Variants in TDRD5 observed in about 807,000 individuals in gnomAD.
The protein encoded by TDRD5 is tudor domain containing 5.
In TDRD5, 41 loss-of-function variants were observed where a neutral mutation model predicts 120.6. That is an observed-to-expected ratio of 0.34 (90% CI 0.26 to 0.44). The LOEUF (loss-of-function observed/expected upper bound fraction) is 0.44. TDRD5 is among the 20% of genes least tolerant of loss of function. The probability of loss-of-function intolerance (pLI) is 1.00; values close to 1 mark genes in which losing one functional copy is unlikely to be tolerated. For missense variants in TDRD5, 1,006 were observed against 1,221.2 expected (o/e 0.82, Z 2.63); for synonymous variants, 430 against 433.7 (o/e 0.99, Z 0.11).
At chr1:179,657,449 C>T (rs1212445635) in intron 14 of TDRD5, among the ~76,000 whole-genome samples, 1 of 152,082 alleles carries the variant, frequency 6.6e-6, no homozygotes, top group African/African-American at 2.4e-5. Flanking sequence ...AACTACCTAA[C>T]TTCACTTATC....
chr1:179,660,250 T>C (rs1177020716), intron 14 of TDRD5, among the ~76,000 whole-genome samples: 1 of 130,976 alleles, frequency 7.6e-6, no homozygotes. Flanking sequence ...GACAGAGTCT[T>C]GCTCTGTTGC....
At chr1:179,622,966 A>G (rs1483519377) in intron 6 of TDRD5, among the ~76,000 whole-genome samples, 1 of 152,206 alleles carries the variant, frequency 6.6e-6, no homozygotes, top group Non-Finnish European at 1.5e-5. Context: ...GCAGAAAACC[A>G]AATATAAGTA....
At chr1:179,622,494 G>T (rs1207935028) in intron 6 of TDRD5, among the ~76,000 whole-genome samples, 2 of 152,146 alleles carry the variant, frequency 1.3e-5, no homozygotes, top group East Asian at 3.8e-4. Flanking sequence ...AGCAAAAAAG[G>T]TTTTAAAGTA....
At chr1:179,591,787 G>C (rs1675116506), upstream of TDRD5, 1 of 152,404 alleles carries the variant, frequency 6.6e-6, no homozygotes, top group South Asian at 2.1e-4. Flanking sequence ...GGGCTGGAAC[G>C]CGGCGCCCCG....
At chr1:179,621,552 A>G (rs994109027) in intron 6 of TDRD5, among the ~76,000 whole-genome samples, 3 of 152,214 alleles carry the variant, frequency 2.0e-5, no homozygotes, top group Admixed American at 2.0e-4. Context: ...AGAAGTACAC[A>G]GCACAACACA....
chr1:179,657,421 G>C (rs1030977553), intron 14 of TDRD5, among the ~76,000 whole-genome samples: 4 of 152,032 alleles, frequency 2.6e-5, no homozygotes, highest in African/African-American at 9.7e-5. Context: ...CTAGTATATA[G>C]AAATTGGTGT....
chr1:179,592,754 A>T lies in TDRD5; in HGVS notation c.139A>T (p.Ile47Phe), dbSNP rs763468985. ...LMVGNHLPLR[I>F]LGYRSTMELV... Reference sequence around the variant, plus strand: ...GGTTGGCAACCATCTACCACTCCGAATCCTTGGGTATCGGTCCACTATGGA... The same window carrying T: ...GGTTGGCAACCATCTACCACTCCGATTCCTTGGGTATCGGTCCACTATGGA... The change falls in exon 2 of 18, where the codon ATC becomes TTC. Residue 47 changes from isoleucine to phenylalanine, a missense_variant. Ile to Phe is a conservative substitution (Grantham distance 21). This residue lies in a region of TDRD5 where 445 missense variants were observed against 515.5 expected (regional missense o/e 0.86). Transcript: ENST00000444136. 6.2e-7 allele frequency: 1 copy of T among 1,613,992 alleles called. No homozygotes were observed. Among genetic ancestry groups the T allele is most frequent in the Admixed American group, 1.7e-5 (1 of 60,000 alleles).
rs549240737 is a variant in TDRD5 at position 179,621,200 on chromosome 1, G to A, written c.972+109G>A. The A allele has an allele frequency of 3.8e-5, 34 of 886,358 alleles. No individual in the cohort carries two copies. The South Asian group carries it at 3.8e-4, about 10-fold the overall frequency. 54.9% of individuals were successfully genotyped at this position (886,358 alleles called of 1,614,324 possible). On this transcript the variant is annotated intron_variant, in intron 6 of 17. Transcript: ENST00000444136. ...ATTCTCCAGGTCTATGCTCTAAAAC[G>A]GAAACATTTTGTTTTGCATTTTAGT... is the stretch of plus-strand genomic sequence containing the variant.
chr1:179,609,360 A>G (rs1676162249), intron 4 of TDRD5, among the ~76,000 whole-genome samples: 1 of 152,170 alleles, frequency 6.6e-6, no homozygotes, highest in African/African-American at 2.4e-5. Context: ...AATATTTTAG[A>G]TAATTTTGTG....
At chr1:179,639,629 T>A (rs931206165) in intron 9 of TDRD5, among the ~76,000 whole-genome samples, 1 of 152,240 alleles carries the variant, frequency 6.6e-6, no homozygotes, top group Non-Finnish European at 1.5e-5. Flanking sequence ...AAAATGAGTG[T>A]GTGTTTCTCT....
chr1:179,598,864 T>G (rs1430955543), intron 4 of TDRD5, among the ~76,000 whole-genome samples: 1 of 152,106 alleles, frequency 6.6e-6, no homozygotes, highest in Non-Finnish European at 1.5e-5. Flanking sequence ...CTGCCTTTCC[T>G]CCAACCCTTA....
At chr1:179,675,273 A>ATTATTTT (rs1444171268) in intron 17 of TDRD5, among the ~76,000 whole-genome samples, 29 of 66,606 alleles carry the variant, frequency 4.4e-4, no homozygotes, top group African/African-American at 1.1e-3. Context: ...TATTATTATT[A>ATTATTTT]TTTTTTTTTT....
At chr1:179,637,851 T>G (rs79242819) in intron 9 of TDRD5, among the ~76,000 whole-genome samples, 301 of 152,276 alleles carry the variant, frequency 2.0e-3, no homozygotes, top group Non-Finnish European at 2.8e-3. Context: ...AGGAGATACA[T>G]GGGATATTAT....
chr1:179,627,004 AT>A (rs1677165472), intron 6 of TDRD5, among the ~76,000 whole-genome samples: 1 of 152,190 alleles, frequency 6.6e-6, no homozygotes, highest in Non-Finnish European at 1.5e-5. Context: ...AAAGAAAAAA[AT>A]TTTTCTGGGC....
chr1:179,596,781 A>G (rs1675415852), intron 4 of TDRD5, among the ~76,000 whole-genome samples: 2 of 152,146 alleles, frequency 1.3e-5, no homozygotes, highest in South Asian at 4.1e-4. Flanking sequence ...CATTATTTGC[A>G]TACATCTTGT....
At chr1:179,613,182 G>C (rs961840233) in intron 4 of TDRD5, among the ~76,000 whole-genome samples, 1 of 152,108 alleles carries the variant, frequency 6.6e-6, no homozygotes, top group African/African-American at 2.4e-5. Flanking sequence ...TTGCATATAA[G>C]AGGTGAAACA....
chr1:179,633,499 C>G (rs1438729000), intron 7 of TDRD5, among the ~76,000 whole-genome samples: 1 of 151,820 alleles, frequency 6.6e-6, no homozygotes, highest in Non-Finnish European at 1.5e-5. Flanking sequence ...CTACAGGCGC[C>G]TGCCACCATG....
rs1677395371 is a variant in TDRD5 at position 179,630,807 on chromosome 1, T to G, written c.1013T>G (p.Phe338Cys). 1.9e-6 allele frequency: 3 copies of G among 1,613,894 alleles called. No homozygotes were observed. Among genetic ancestry groups the G allele is most frequent in the Non-Finnish European group, 2.5e-6 (3 of 1,179,994 alleles). Reference sequence around the variant, plus strand: ...CAACTATCACCAAAAAAATTAGGCTTCTTAAATGTGACAGAACTTGTTGGA... The same window carrying G: ...CAACTATCACCAAAAAAATTAGGCTGCTTAAATGTGACAGAACTTGTTGGA... ...KEQLSPKKLG[F>C]LNVTELVGAL... Residue 338 changes from phenylalanine (F) to cysteine (C), a missense_variant, in exon 7 of 18, where the codon TTC becomes TGC. Physicochemically the swap from Phe to Cys is radical, Grantham distance 205. Transcript: ENST00000444136.
intron 4 of TDRD5, among the ~76,000 whole-genome samples, chr1:179,614,848 CTGTT>C (rs1476276282): frequency 6.6e-6 from 1 of 152,056 alleles, no homozygotes; most frequent in Admixed American, 6.6e-5. Flanking sequence ...CTAAATCAAG[CTGTT>C]TGACATGTAT....
Sources: gnomAD v4.1 joint callset for allele counts (sites outside exome capture counted in the v4.1 genomes callset) on GRCh38, gnomAD v4.1.1 for gene constraint, gnomAD v4.1.1 regional missense constraint, MANE v1.5 for transcripts, NCBI Gene and HGNC (gene_info 2026-07-23, HGNC 2026-07-21) for gene names.